CPXM2: variants seen among roughly 807,000 people sequenced by gnomAD.
CPXM2 encodes the protein inactive carboxypeptidase-like protein X2.
A neutral mutation model predicts 86.1 loss-of-function variants in CPXM2; 66 were observed. That is an observed-to-expected ratio of 0.77 (90% confidence interval 0.63 to 0.94). The LOEUF is 0.94. Ranked by LOEUF, CPXM2 falls within the 40% of genes least tolerant of loss-of-function variation. The pLI is 0.00. For missense variants in CPXM2, 948 were observed against 1,026.3 expected, an observed-to-expected ratio of 0.92 and a Z score of 1.04; for synonymous variants, 388 against 400.2, an observed-to-expected ratio of 0.97 and a Z score of 0.36.
chr10:123,764,337 T>C (rs1315609757), intron 10 of CPXM2, among the ~76,000 whole-genome samples: 1 of 152,188 alleles, frequency 6.6e-6, no homozygotes, highest in Non-Finnish European at 1.5e-5. Context: ...TCCCTTACAC[T>C]AAAAGCTATA....
At position 123,847,322 on chromosome 10, in the gene CPXM2, C is replaced by G. The variant is rs545355585; in HGVS notation, c.514-4834G>C. On this transcript the variant is annotated intron_variant, in intron 3 of 13. Coordinates refer to ENST00000241305, the MANE Select transcript of CPXM2 (RefSeq NM_198148.3). ...GGTGGATCACTTGAAGTCAGGAGTT[C>G]TAGACTAGCCTGGCCAACACGGTGA... Among the ~76,000 whole-genome samples the G allele has an allele frequency of 1.1e-4, 16 of 152,288 alleles. No homozygotes were observed. The South Asian group carries it at 1.7e-3, about 16-fold the overall frequency.
At chr10:123,811,313 GAC>G (rs1847690622) in intron 4 of CPXM2, among the ~76,000 whole-genome samples, 1 of 151,844 alleles carries the variant, frequency 6.6e-6, no homozygotes, top group Admixed American at 6.6e-5. Flanking sequence ...CTCACCCCAC[GAC>G]AGGCCCTGGT....
chr10:123,804,518 T>C (rs567702175), intron 4 of CPXM2, among the ~76,000 whole-genome samples: 1 of 152,340 alleles, frequency 6.6e-6, no homozygotes, highest in South Asian at 2.1e-4. Flanking sequence ...TGCTGGTATG[T>C]AGACACATAG....
intron 7 of CPXM2, among the ~76,000 whole-genome samples, chr10:123,778,814 C>G (rs760152729): frequency 1.3e-5 from 2 of 152,140 alleles, no homozygotes; most frequent in Non-Finnish European, 2.9e-5. Context: ...CATATAAATA[C>G]CCTCAAAATG....
At chr10:123,848,136 C>T (rs1170196269) in intron 3 of CPXM2, among the ~76,000 whole-genome samples, 1 of 152,146 alleles carries the variant, frequency 6.6e-6, no homozygotes, top group Non-Finnish European at 1.5e-5. Flanking sequence ...AAGTTAATGC[C>T]TTTTCAGGGG....
chr10:123,807,680 G>A (rs1847609423), intron 4 of CPXM2, among the ~76,000 whole-genome samples: 1 of 152,134 alleles, frequency 6.6e-6, no homozygotes, highest in South Asian at 2.1e-4. Context: ...AAAGGAGGAG[G>A]GGCAGGTTCG....
In CPXM2 at chr10:123,798,072, G is replaced by C. The variant is rs1564774485; in HGVS notation, c.793C>G (p.Pro265Ala). Residue 265 changes from proline (P) to alanine (A), a missense_variant, in exon 6 of 14, where the codon CCC (proline) becomes GCC (alanine). Physicochemically the swap from Pro to Ala is conservative, Grantham distance 27. Transcript: ENST00000241305. ...EIPVLNELPV[P>A]MVARYIRINP... Reference sequence around the variant, plus strand: ...ATGCGGATGTAGCGGGCCACCATGGGGACGGGTAGCTCATTGAGAACAGGG... The same window carrying C: ...ATGCGGATGTAGCGGGCCACCATGGCGACGGGTAGCTCATTGAGAACAGGG... The C allele has an allele frequency of 7.4e-6, 12 of 1,611,560 alleles. No individual in the cohort carries two copies. Among genetic ancestry groups the C allele is most frequent in the Non-Finnish European group, 9.3e-6 (11 of 1,178,742 alleles).
intron 11 of CPXM2, among the ~76,000 whole-genome samples, chr10:123,761,524 A>T (rs1034592669): frequency 6.6e-6 from 1 of 152,258 alleles, no homozygotes; most frequent in Non-Finnish European, 1.5e-5. Flanking sequence ...TATCGCCATT[A>T]ACTCCAATTT....
chr10:123,860,461 CT>C (rs1774830442), intron 3 of CPXM2, among the ~76,000 whole-genome samples: 1 of 152,220 alleles, frequency 6.6e-6, no homozygotes, highest in Non-Finnish European at 1.5e-5. Flanking sequence ...GAATTCCCAA[CT>C]GGAGGGACAA....
chr10:123,823,689 T>C (rs1193224761), intron 4 of CPXM2, among the ~76,000 whole-genome samples: 1 of 151,816 alleles, frequency 6.6e-6, no homozygotes, highest in African/African-American at 2.4e-5. Context: ...AGAAAAAAAG[T>C]GTGTGTGTTA....
intron 2 of CPXM2, among the ~76,000 whole-genome samples, chr10:123,935,180 G>C (rs191900377): frequency 5.3e-5 from 8 of 152,306 alleles, no homozygotes; most frequent in African/African-American, 1.9e-4. Context: ...TGTTAACCAT[G>C]AGCTGTTAAT....
intron 2 of CPXM2, among the ~76,000 whole-genome samples, chr10:123,879,491 T>C (rs1181571646): frequency 6.6e-6 from 1 of 152,126 alleles, no homozygotes; most frequent in East Asian, 1.9e-4. Flanking sequence ...ATAATAATAA[T>C]ACCCATAGTC....
At chr10:123,792,580 T>A (rs1394916154) in intron 6 of CPXM2, among the ~76,000 whole-genome samples, 1 of 151,640 alleles carries the variant, frequency 6.6e-6, no homozygotes. Context: ...CAGAGACAGA[T>A]AGGAAAGATC....
At chr10:123,826,512 T>C (rs1165718440) in intron 4 of CPXM2, among the ~76,000 whole-genome samples, 2 of 150,230 alleles carry the variant, frequency 1.3e-5, no homozygotes, top group Non-Finnish European at 3.0e-5. Context: ...GAAGGAGGAG[T>C]AGAGGAAGGG....
chr10:123,799,445 G>A (rs549193908), intron 4 of CPXM2, among the ~76,000 whole-genome samples: 6 of 152,230 alleles, frequency 3.9e-5, no homozygotes, highest in South Asian at 2.1e-4. Flanking sequence ...GTAAGCCTCC[G>A]TTTAATGCCC....
At chr10:123,887,890 A>G (rs1017546942) in intron 1 of CPXM2, among the ~76,000 whole-genome samples, 7 of 152,196 alleles carry the variant, frequency 4.6e-5, no homozygotes, top group African/African-American at 1.7e-4. Context: ...TTTCAAAATA[A>G]AAGCTTAAAT....
chr10:123,881,230 T>TCCCCCCCCCCCCCCCCCC (rs1564811045), intron 1 of CPXM2, among the ~76,000 whole-genome samples: 3 of 66,896 alleles, frequency 4.5e-5, no homozygotes, highest in Non-Finnish European at 6.0e-5. Context: ...GGAGCACCCT[T>TCCCCCCCCCCCCCCCCCC]CTCTTCCCTT....
At chr10:123,867,119 AT>A (rs1564805373) in intron 2 of CPXM2, among the ~76,000 whole-genome samples, 1 of 152,194 alleles carries the variant, frequency 6.6e-6, no homozygotes, top group Non-Finnish European at 1.5e-5. Flanking sequence ...ATTTTAAAAC[AT>A]TTTTTAAGTT....
At chr10:123,893,167 C>T (rs893799204), upstream of CPXM2, among the ~76,000 whole-genome samples, 1 of 152,166 alleles carries the variant, frequency 6.6e-6, no homozygotes, top group Non-Finnish European at 1.5e-5. Flanking sequence ...GTGTAGATGT[C>T]TTTGGGAACC....
Sources: allele counts gnomAD v4.1 joint callset (sites outside exome capture counted in the v4.1 genomes callset), GRCh38; gene constraint gnomAD v4.1.1; transcripts MANE v1.5; gene names NCBI Gene and HGNC (gene_info 2026-07-23, HGNC 2026-07-21).